The following UBE2G1 variants were observed in gnomAD, a reference collection of about 807,000 sequenced individuals.
The protein encoded by UBE2G1 is ubiquitin-conjugating enzyme E2 G1.
Under a neutral mutation model 22.7 loss-of-function variants are expected in UBE2G1, and 5 were observed. The ratio of observed to expected loss-of-function variants is 0.22; its 90% CI spans 0.12 to 0.46. UBE2G1 has a LOEUF of 0.46. Ranked by LOEUF, UBE2G1 falls within the 20% of genes least tolerant of loss-of-function variation. The pLI, the probability that UBE2G1 is intolerant of heterozygous loss-of-function variation, is 0.99. For synonymous variants in UBE2G1, 74 were observed against 67.5 expected (o/e 1.10, Z -0.47); for missense variants, 88 against 203.9 (o/e 0.43, Z 3.46).
intron 4 of UBE2G1, among the ~76,000 whole-genome samples, chr17:4,285,092 C>T (rs550902962): frequency 8.5e-5 from 13 of 152,238 alleles, no homozygotes; most frequent in African/African-American, 2.9e-4. Context: ...AACTCACCTG[C>T]CTCGGCCTCC....
In UBE2G1 at chr17:4,272,196, G is replaced by A. The variant is rs750499267; in HGVS notation, c.*358C>T. The A allele has an allele frequency of 1.3e-5, 2 of 152,610 alleles. No individual in the cohort carries two copies. Among genetic ancestry groups the A allele is most frequent in the Non-Finnish European group, 2.9e-5 (2 of 68,032 alleles). 9.5% of individuals were successfully genotyped at this position (152,610 alleles called of 1,614,324 possible). ...TGCTAAAATCTCTTAGAATTTACAC[G>A]ATTCTTATTCTACTACAAGAAAGCA... On this transcript the variant is annotated 3_prime_UTR_variant, in exon 6 of 6. Transcript: ENST00000396981.
intron 1 of UBE2G1, among the ~76,000 whole-genome samples, chr17:4,311,227 A>G (rs1457546329): frequency 6.6e-6 from 1 of 152,186 alleles, no homozygotes; most frequent in African/African-American, 2.4e-5. Flanking sequence ...ACCTTGTCTC[A>G]GTTTAAAAAA....
intron 1 of UBE2G1, among the ~76,000 whole-genome samples, chr17:4,340,351 G>C (rs1382590327): frequency 1.3e-5 from 2 of 152,194 alleles, no homozygotes; most frequent in African/African-American, 2.4e-5. Context: ...CTTAAATCCA[G>C]TGAGAGTTTG....
chr17:4,310,983 G>A (rs1969303784), intron 1 of UBE2G1, among the ~76,000 whole-genome samples: 1 of 152,154 alleles, frequency 6.6e-6, no homozygotes, highest in Admixed American at 6.5e-5. Flanking sequence ...GGCTGAGGTG[G>A]GCAGATCGTT....
intron 1 of UBE2G1, among the ~76,000 whole-genome samples, chr17:4,310,873 C>G (rs749144030): frequency 6.6e-6 from 1 of 152,094 alleles, no homozygotes; most frequent in African/African-American, 2.4e-5. Context: ...ATCAATCAAC[C>G]TAACCTGGTG....
chr17:4,280,806 T>A (rs952672977), intron 5 of UBE2G1, among the ~76,000 whole-genome samples: 1 of 151,966 alleles, frequency 6.6e-6, no homozygotes, highest in African/African-American at 2.4e-5. Context: ...GCTAATTTTT[T>A]ATATTTTTAG....
chr17:4,316,472 AAAGT>A (rs1025069258), intron 1 of UBE2G1, among the ~76,000 whole-genome samples: 1 of 152,182 alleles, frequency 6.6e-6, no homozygotes, highest in African/African-American at 2.4e-5. Context: ...CAAGTCACCA[AAAGT>A]AACTGCAAAA....
In UBE2G1 at chr17:4,287,025, T is replaced by C. The variant is rs1968971783; in HGVS notation, c.426+2205A>G. 3.3e-5 allele frequency among the ~76,000 whole-genome samples: 5 copies of C among 151,766 alleles called. No homozygotes were observed. The South Asian group carries it at 8.3e-4, about 25-fold the overall frequency. ...GAGATCACGCCACTGCACTCCAGCC[T>C]GGGCATCAGAGCAAGACTCTGTCTC... On this transcript the variant is annotated intron_variant, in intron 4 of 5. Transcript: ENST00000396981.
intron 1 of UBE2G1, among the ~76,000 whole-genome samples, chr17:4,347,969 T>G (rs1432666388): frequency 6.6e-6 from 1 of 152,190 alleles, no homozygotes; most frequent in African/African-American, 2.4e-5. Flanking sequence ...GGACTCCCAA[T>G]TATCCTGAGA....
intron 1 of UBE2G1, among the ~76,000 whole-genome samples, chr17:4,336,645 G>A (rs1969651921): frequency 6.6e-6 from 1 of 152,008 alleles, no homozygotes; most frequent in Non-Finnish European, 1.5e-5. Flanking sequence ...TCCTGCCTCA[G>A]CCTCCAAAGT....
chr17:4,282,802 A>G lies in UBE2G1; in HGVS notation c.*33T>C, dbSNP rs1245116491. ...TGATATTTAAAATAAACTTACCCTG[A>G]AATAAGTGAAGTTACTAGCTGCTAA... is the stretch of plus-strand genomic sequence containing the variant. On this transcript the variant is annotated 3_prime_UTR_variant, in exon 5 of 6. Coordinates refer to ENST00000396981, the MANE Select transcript of UBE2G1 (RefSeq NM_003342.5). The G allele has an allele frequency of 6.3e-7, 1 of 1,580,662 alleles. No homozygotes were observed. Among genetic ancestry groups the G allele is most frequent in the Admixed American group, 1.8e-5 (1 of 55,628 alleles).
intron 1 of UBE2G1, among the ~76,000 whole-genome samples, chr17:4,326,544 A>G (rs905822482): frequency 7.1e-4 from 108 of 152,196 alleles, no homozygotes; most frequent in African/African-American, 2.6e-3. Flanking sequence ...AAAATATTAA[A>G]CTTAGAATTA....
intron 5 of UBE2G1, among the ~76,000 whole-genome samples, chr17:4,274,082 G>A (rs1230827944): frequency 1.3e-5 from 2 of 151,248 alleles, no homozygotes; most frequent in Non-Finnish European, 2.9e-5. Flanking sequence ...CCTGGTTCAC[G>A]CCATTCTCCT....
chr17:4,280,336 C>CTTTTT (rs71144178), intron 5 of UBE2G1, among the ~76,000 whole-genome samples: 1 of 68,950 alleles, frequency 1.5e-5, no homozygotes, highest in African/African-American at 6.6e-5. Context: ...GGCACCTGGG[C>CTTTTT]TTTTTTTTTT....
At chr17:4,316,088 C>T (rs902779181) in intron 1 of UBE2G1, among the ~76,000 whole-genome samples, 1 of 152,044 alleles carries the variant, frequency 6.6e-6, no homozygotes, top group Non-Finnish European at 1.5e-5. Flanking sequence ...CAAGCGTGAG[C>T]CACCGCCTAA....
intron 2 of UBE2G1, among the ~76,000 whole-genome samples, chr17:4,303,119 G>A (rs1567518814): frequency 1.3e-5 from 2 of 152,070 alleles, no homozygotes; most frequent in African/African-American, 2.4e-5. Context: ...GGGGCATAAT[G>A]CTAGAAGACA....
intron 1 of UBE2G1, among the ~76,000 whole-genome samples, chr17:4,349,761 T>C (rs745619399): frequency 6.6e-6 from 1 of 150,974 alleles, no homozygotes; most frequent in Non-Finnish European, 1.5e-5. Context: ...AAGAATGGCA[T>C]GAACCCGGGA....
Position 4,271,762 on chromosome 17 carries a change from C to A in UBE2G1, c.*792G>T, listed in dbSNP as rs1968762525. 1 of 149,968 alleles carries A rather than the reference C, an allele frequency of 6.7e-6. No individual in the cohort carries two copies. Among genetic ancestry groups the A allele is most frequent in the Non-Finnish European group, 1.5e-5 (1 of 67,594 alleles). 9.3% of individuals were successfully genotyped at this position (149,968 alleles called of 1,614,324 possible). On this transcript the variant is annotated 3_prime_UTR_variant, in exon 6 of 6. Coordinates refer to ENST00000396981, the MANE Select transcript of UBE2G1 (RefSeq NM_003342.5). ...TTCAGTAAGTTGAATTAAGAACCAT[C>A]TATTTTTAGTTCTCAGGGGTAATGA...
chr17:4,329,109 G>GAA (rs56962666), intron 1 of UBE2G1, among the ~76,000 whole-genome samples: 4,256 of 91,664 alleles, frequency 0.046, 121 homozygotes, highest in African/African-American at 0.062. Flanking sequence ...GTCTCAAAAA[G>GAA]AAAAAAAAAA....
Sources: gnomAD v4.1 joint callset for allele counts (sites outside exome capture counted in the v4.1 genomes callset) on GRCh38, gnomAD v4.1.1 for gene constraint, MANE v1.5 for transcripts, NCBI Gene and HGNC (gene_info 2026-07-23, HGNC 2026-07-21) for gene names.